LARP1B: variants seen among roughly 807,000 people sequenced by gnomAD.
LARP1B encodes la-related protein 1B.
A neutral mutation model predicts 114.2 loss-of-function variants in LARP1B; 76 were observed. The observed-to-expected ratio is 0.67, with a 90% CI of 0.55 to 0.81. The LOEUF is 0.81. LARP1B is among the 30% of genes least tolerant of loss of function. The pLI is 0.00. For missense variants in LARP1B, 1,014 were observed against 1,075.8 expected, an observed-to-expected ratio of 0.94 and a Z score of 0.80; for synonymous variants, 345 against 348.0, an observed-to-expected ratio of 0.99 and a Z score of 0.10.
intron 11 of LARP1B, among the ~76,000 whole-genome samples, chr4:128,151,136 A>G (rs74708525): frequency 1.3e-5 from 2 of 152,180 alleles, no homozygotes; most frequent in African/African-American, 4.8e-5. Context: ...ACATCTTACC[A>G]TATTTCCTTT....
intron 15 of LARP1B, among the ~76,000 whole-genome samples, chr4:128,188,097 G>A (rs1033363690): frequency 8.7e-5 from 13 of 148,814 alleles, no homozygotes; most frequent in South Asian, 2.1e-4. Flanking sequence ...TTTTTGAGGC[G>A]GAGTTTTGCT....
chr4:128,061,765 G>A, intron 1 of LARP1B: 1 of 984,962 alleles, frequency 1.0e-6, no homozygotes, highest in Non-Finnish European at 1.2e-6. Flanking sequence ...CTGAGAGGGA[G>A]TCGCTGTTGG....
At chr4:128,216,723 C>A (rs1042033757), downstream of LARP1B, among the ~76,000 whole-genome samples, 261 of 151,426 alleles carry the variant, frequency 1.7e-3, 1 homozygote, top group African/African-American at 6.1e-3. Context: ...CCTAACATCA[C>A]AATTAAAAGA....
intron 12 of LARP1B, among the ~76,000 whole-genome samples, chr4:128,167,059 CAT>C (rs1162830521): frequency 6.7e-6 from 1 of 149,570 alleles, no homozygotes; most frequent in African/African-American, 2.5e-5. Flanking sequence ...CACACACACA[CAT>C]ATACACACAC....
chr4:128,121,880 C>G lies in LARP1B; in HGVS notation c.1216C>G (p.Pro406Ala), dbSNP rs762471222. ...AAATCAGCTATGTTCTTCAGAAGAA[C>G]CAGAACAAGAAGAACTTGATTTTTT... is the stretch of plus-strand genomic sequence containing the variant. ...SLNQLCSSEE[P>A]EQEELDFLFD... Residue 406 changes from proline (P) to alanine (A), a missense_variant, in exon 11 of 20, where the codon CCA (proline) becomes GCA (alanine). Physicochemically the swap from Pro to Ala is conservative, Grantham distance 27. Coordinates refer to ENST00000326639, the MANE Select transcript of LARP1B (RefSeq NM_018078.4). 1.9e-6 allele frequency: 3 copies of G among 1,611,176 alleles called. No homozygotes were observed. Among genetic ancestry groups the G allele is most frequent in the South Asian group, 1.1e-5 (1 of 90,586 alleles).
chr4:128,177,443 G>C (rs1746728054), intron 13 of LARP1B, among the ~76,000 whole-genome samples: 1 of 151,978 alleles, frequency 6.6e-6, no homozygotes, highest in Admixed American at 6.6e-5. Flanking sequence ...GCTACTGCTT[G>C]ATTCATCTGC....
downstream of LARP1B, among the ~76,000 whole-genome samples, chr4:128,214,615 A>G (rs1759398337): frequency 7.4e-6 from 1 of 135,356 alleles, no homozygotes; most frequent in African/African-American, 2.8e-5. Flanking sequence ...ACAACCAGAA[A>G]GGACATCTAC....
At chr4:128,130,547 A>G (rs2150100082) in intron 11 of LARP1B, among the ~76,000 whole-genome samples, 1 of 152,356 alleles carries the variant, frequency 6.6e-6, no homozygotes, top group Admixed American at 6.5e-5. Flanking sequence ...AAATGCTTGC[A>G]AGGATGTGGA....
intron 15 of LARP1B, among the ~76,000 whole-genome samples, chr4:128,182,926 A>G (rs1749056277): frequency 6.6e-6 from 1 of 152,222 alleles, no homozygotes; most frequent in Non-Finnish European, 1.5e-5. Flanking sequence ...CTTAAGCCAA[A>G]GCATAATCCA....
At chr4:128,198,573 C>G (rs183066606) in intron 15 of LARP1B, among the ~76,000 whole-genome samples, 1 of 152,186 alleles carries the variant, frequency 6.6e-6, no homozygotes, top group African/African-American at 2.4e-5. Flanking sequence ...GTTTTACACA[C>G]CATTGCTTTT....
intron 7 of LARP1B, among the ~76,000 whole-genome samples, chr4:128,094,065 A>G (rs1776922861): frequency 6.7e-6 from 1 of 149,522 alleles, no homozygotes; most frequent in Non-Finnish European, 1.5e-5. Context: ...CTTTTTTTTA[A>G]CTTTTTAAAA....
intron 5 of LARP1B, among the ~76,000 whole-genome samples, chr4:128,089,355 A>G (rs1774931713): frequency 2.0e-5 from 3 of 152,148 alleles, no homozygotes; most frequent in South Asian, 4.1e-4. Context: ...CTGTTTTTTG[A>G]GACAGAATCT....
chr4:128,084,656 G>A (rs1386491601), intron 5 of LARP1B, among the ~76,000 whole-genome samples: 1 of 151,996 alleles, frequency 6.6e-6, no homozygotes, highest in African/African-American at 2.4e-5. Context: ...GAGGGAGAGG[G>A]AGAGCGGAAT....
At chr4:128,070,634 CT>C (rs1156872764) in intron 1 of LARP1B, among the ~76,000 whole-genome samples, 1 of 152,102 alleles carries the variant, frequency 6.6e-6, no homozygotes, top group Non-Finnish European at 1.5e-5. Flanking sequence ...GCATTTCAGC[CT>C]GGGCAACGAG....
intron 11 of LARP1B, among the ~76,000 whole-genome samples, chr4:128,132,397 A>T (rs1045705730): frequency 3.9e-5 from 6 of 151,960 alleles, no homozygotes; most frequent in Admixed American, 6.6e-5. Context: ...GGCACGCCCC[A>T]CCACGCTTGG....
At chr4:128,098,037 C>G in intron 7 of LARP1B, 149 bp from the exon 8 acceptor site, 1 of 525,576 alleles carries the variant, frequency 1.9e-6, no homozygotes, top group Non-Finnish European at 3.3e-6. Flanking sequence ...ATATGTTTAC[C>G]CTATCTGTGT....
At position 128,091,096 on chromosome 4, in the gene LARP1B, G is replaced by C. The variant is rs1465771488; in HGVS notation, c.454G>C (p.Gly152Arg). 1 of 1,613,906 alleles carries C rather than the reference G, an allele frequency of 6.2e-7. No homozygotes were observed. The highest frequency in any genetic ancestry group is 8.5e-7 in the Non-Finnish European group (1 of 1,179,854). ...TATCCGAGGTTCCTTTAGAGGTCGA[G>C]GAAGAGGCCGAGGACGGGGAAGAGG... ...GNIRGSFRGR[G>R]RGRGRGRGRG... The change falls in exon 6 of 20, where the codon GGA (glycine) becomes CGA (arginine). Residue 152 changes from glycine (G) to arginine (R), a missense_variant. Physicochemically the swap from Gly to Arg is moderately radical, Grantham distance 125 (BLOSUM62 -2). Coordinates refer to ENST00000326639, the MANE Select transcript of LARP1B (RefSeq NM_018078.4).
chr4:128,103,492 AG>A (rs1461075226), intron 8 of LARP1B, among the ~76,000 whole-genome samples: 1 of 151,198 alleles, frequency 6.6e-6, no homozygotes, highest in Non-Finnish European at 1.5e-5. Flanking sequence ...CTTCCTCCTG[AG>A]ATAGTTTGTT....
At chr4:128,111,528 G>A (rs1013218633) in intron 9 of LARP1B, among the ~76,000 whole-genome samples, 2 of 152,088 alleles carry the variant, frequency 1.3e-5, no homozygotes, top group Non-Finnish European at 2.9e-5. Flanking sequence ...GTGAGACCCA[G>A]TCTACAAAAT....
Sources: allele counts gnomAD v4.1 joint callset (sites outside exome capture counted in the v4.1 genomes callset), GRCh38; gene constraint gnomAD v4.1.1; transcripts MANE v1.5; gene names NCBI Gene and HGNC (gene_info 2026-07-23, HGNC 2026-07-21).